Variants in SCOC observed in about 807,000 individuals in gnomAD.
The protein encoded by SCOC is short coiled coil protein.
In SCOC, 7 loss-of-function variants were observed where a neutral mutation model predicts 9.9. That is an observed-to-expected ratio of 0.71 (90% CI 0.40 to 1.33). SCOC has a LOEUF of 1.33. Ranked by LOEUF, SCOC falls within the 40% of genes most tolerant of loss-of-function variation. SCOC has a pLI of 0.01. For missense variants in SCOC, 66 were observed against 89.7 expected (o/e 0.74, Z 1.07); for synonymous variants, 19 against 28.2 (o/e 0.67, Z 1.03).
intron 1 of SCOC, among the ~76,000 whole-genome samples, chr4:140,288,670 G>A (rs957100249): frequency 6.6e-6 from 1 of 151,432 alleles, no homozygotes; most frequent in African/African-American, 2.4e-5. Context: ...CAGCACACAT[G>A]TATATATACC....
At chr4:140,322,910 G>A (rs1250178458) in intron 1 of SCOC, among the ~76,000 whole-genome samples, 1 of 152,084 alleles carries the variant, frequency 6.6e-6, no homozygotes, top group Non-Finnish European at 1.5e-5. Context: ...GATCTTTAGA[G>A]GCCGCCATGC....
chr4:140,365,051 T>C (rs1230559537), intron 2 of SCOC, among the ~76,000 whole-genome samples: 2 of 151,832 alleles, frequency 1.3e-5, no homozygotes, highest in East Asian at 3.9e-4. Context: ...AAAAAAGTTG[T>C]GAAGGTCATC....
chr4:140,325,193 A>T (rs1344675386), intron 1 of SCOC, among the ~76,000 whole-genome samples: 1 of 152,166 alleles, frequency 6.6e-6, no homozygotes, highest in Non-Finnish European at 1.5e-5. Context: ...AATGCAAAAC[A>T]TAAAACTATA....
rs373581670 is a variant in SCOC at position 140,351,978 on chromosome 4, C to T, written c.70+8270C>T. The stretch of plus-strand genomic sequence containing the variant: ...GCCATGCTCCCAAGTGTCTGCCAAG[C>T]GGCCATTGCCAGCTTTGCTGGGTTA... On this transcript the variant is annotated intron_variant, in intron 2 of 4. Coordinates refer to the SCOC transcript ENST00000338517. 1.2e-4 allele frequency among the ~76,000 whole-genome samples: 18 copies of T among 152,288 alleles called. No homozygotes were observed. In the South Asian group the frequency reaches 3.3e-3, roughly 28 times the overall value.
In SCOC at chr4:140,282,391, C is replaced by T. The variant is rs547083209; in HGVS notation, c.-19+24981C>T. 3.3e-5 allele frequency among the ~76,000 whole-genome samples: 5 copies of T among 152,288 alleles called. No homozygotes were observed. The South Asian group carries it at 8.3e-4, about 25-fold the overall frequency. ...TGTGCCCCACTTTAAGAAAACCTGA[C>T]ATGTGAAAGCCTATGTGGCAGGATA... is the stretch of plus-strand genomic sequence containing the variant. On this transcript the variant is annotated intron_variant, in intron 1 of 4. Transcript: ENST00000394205.
At chr4:140,343,575 T>A in intron 1 of SCOC, 1 of 1,306,388 alleles carries the variant, frequency 7.7e-7, no homozygotes. Flanking sequence ...GGCGGTCACA[T>A]GGGACAACTG....
chr4:140,341,080 G>A (rs552989605), upstream of SCOC, among the ~76,000 whole-genome samples: 8 of 152,078 alleles, frequency 5.3e-5, no homozygotes, highest in South Asian at 8.3e-4. Context: ...ACAGGCATGA[G>A]CCCAGCCGAG....
intron 1 of SCOC, among the ~76,000 whole-genome samples, chr4:140,279,519 G>A (rs763272092): frequency 5.3e-5 from 8 of 152,076 alleles, no homozygotes; most frequent in Non-Finnish European, 8.8e-5. Context: ...TACTGGACAC[G>A]CTAAATAATA....
upstream of SCOC, among the ~76,000 whole-genome samples, chr4:140,368,802 A>C (rs1232868950): frequency 6.6e-6 from 1 of 152,230 alleles, no homozygotes; most frequent in African/African-American, 2.4e-5. Context: ...AACATAGAGT[A>C]GCTACCTATG....
chr4:140,316,743 G>A (rs1349940614), intron 1 of SCOC, among the ~76,000 whole-genome samples: 1 of 151,982 alleles, frequency 6.6e-6, no homozygotes, highest in Non-Finnish European at 1.5e-5. Flanking sequence ...GCATTGGAGT[G>A]GAAAAATTCT....
Position 140,268,821 on chromosome 4 carries a change from A to G in SCOC, c.-19+11411A>G, listed in dbSNP as rs568605619. Among the ~76,000 whole-genome samples, 21 of 152,314 alleles carry G rather than the reference A, an allele frequency of 1.4e-4. 1 individual carries two copies. The South Asian group carries it at 4.3e-3, about 32-fold the overall frequency. On this transcript the variant is annotated intron_variant, in intron 1 of 4. Transcript: ENST00000394205. ...TGAGGAGCACACCTGTATCCCAGGC[A>G]TTGTAGATTACAGCGGGAGAGAGAA... is the stretch of plus-strand genomic sequence containing the variant.
intron 1 of SCOC, among the ~76,000 whole-genome samples, chr4:140,296,255 T>C (rs1269576647): frequency 6.6e-6 from 1 of 152,102 alleles, no homozygotes; most frequent in African/African-American, 2.4e-5. Context: ...CAAAATGGAT[T>C]TAATGAGCAT....
chr4:140,302,340 T>C (rs1467458573), intron 1 of SCOC, among the ~76,000 whole-genome samples: 1 of 152,174 alleles, frequency 6.6e-6, no homozygotes, highest in Non-Finnish European at 1.5e-5. Context: ...GTTGAAGACC[T>C]ACTACAGACC....
intron 2 of SCOC, among the ~76,000 whole-genome samples, chr4:140,353,836 G>A (rs576816071): frequency 8.5e-5 from 13 of 152,304 alleles, no homozygotes; most frequent in Non-Finnish European, 1.8e-4. Flanking sequence ...CAGCCTTCTT[G>A]GGATGCACAC....
chr4:140,364,777 A>C (rs1270157195), intron 2 of SCOC, among the ~76,000 whole-genome samples: 1 of 152,024 alleles, frequency 6.6e-6, no homozygotes, highest in African/African-American at 2.4e-5. Context: ...CTACCTTTAA[A>C]TTTTTTTCTG....
At chr4:140,374,671 C>T (rs1728255310) in intron 1 of SCOC, among the ~76,000 whole-genome samples, 1 of 152,040 alleles carries the variant, frequency 6.6e-6, no homozygotes, top group Non-Finnish European at 1.5e-5. Context: ...GTAAAGATTC[C>T]AGAGGAGTTT....
At chr4:140,334,989 C>T (rs568966484) in intron 1 of SCOC, among the ~76,000 whole-genome samples, 8 of 152,214 alleles carry the variant, frequency 5.3e-5, no homozygotes, top group South Asian at 2.1e-4. Context: ...TGCAACAACA[C>T]GGATGAATCT....
chr4:140,358,035 C>T (rs530658289), intron 2 of SCOC, among the ~76,000 whole-genome samples: 3 of 152,274 alleles, frequency 2.0e-5, no homozygotes, highest in African/African-American at 7.2e-5. Context: ...AACGCCTATG[C>T]ACTCCTAATC....
chr4:140,297,539 A>T (rs1365853913), intron 1 of SCOC, among the ~76,000 whole-genome samples: 1 of 152,116 alleles, frequency 6.6e-6, no homozygotes, highest in Non-Finnish European at 1.5e-5. Flanking sequence ...CTGCCCTCCC[A>T]CACCTTTCCT....
Sources: allele counts gnomAD v4.1 joint callset (sites outside exome capture counted in the v4.1 genomes callset), GRCh38; gene constraint gnomAD v4.1.1; transcripts MANE v1.5; gene names NCBI Gene and HGNC (gene_info 2026-07-23, HGNC 2026-07-21).